Variants in UBE2Q2 observed in about 807,000 individuals in gnomAD.
UBE2Q2 encodes ubiquitin-conjugating enzyme E2 Q2.
A neutral mutation model predicts 59.9 loss-of-function variants in UBE2Q2; 54 were observed. The ratio of observed to expected loss-of-function variants is 0.90; its 90% CI spans 0.72 to 1.13. The LOEUF is 1.13. Ranked by LOEUF, UBE2Q2 falls within the 50% of genes most tolerant of loss-of-function variation. The probability of loss-of-function intolerance (pLI) is 0.00; values close to 1 mark genes in which losing one functional copy is unlikely to be tolerated. For missense variants in UBE2Q2, 433 were observed against 441.9 expected (o/e 0.98, Z 0.18); for synonymous variants, 165 against 155.2 (o/e 1.06, Z -0.47).
chr15:75,875,804 G>A (rs776183889), intron 5 of UBE2Q2, among the ~76,000 whole-genome samples: 13 of 151,980 alleles, frequency 8.6e-5, no homozygotes, highest in Non-Finnish European at 1.5e-4. Flanking sequence ...GCTCATGCCT[G>A]TAATCCCAGC....
chr15:75,879,421 A>G (rs570584552), intron 8 of UBE2Q2, among the ~76,000 whole-genome samples: 2 of 152,342 alleles, frequency 1.3e-5, no homozygotes, highest in East Asian at 3.9e-4. Flanking sequence ...TGTTCATTCC[A>G]ATAAAATGGA....
chr15:75,898,376 AT>A (rs1237149267), intron 12 of UBE2Q2, among the ~76,000 whole-genome samples: 1 of 152,082 alleles, frequency 6.6e-6, no homozygotes, highest in African/African-American at 2.4e-5. Context: ...AAATCTTAAA[AT>A]TTTTTTGTTA....
At chr15:75,847,286 C>T (rs1896402313) in intron 1 of UBE2Q2, among the ~76,000 whole-genome samples, 1 of 152,076 alleles carries the variant, frequency 6.6e-6, no homozygotes, top group Non-Finnish European at 1.5e-5. Context: ...GTCAAAAGTG[C>T]AGAGATAACA....
intron 1 of UBE2Q2, among the ~76,000 whole-genome samples, chr15:75,852,987 A>G (rs993679293): frequency 1.2e-4 from 18 of 152,190 alleles, no homozygotes; most frequent in African/African-American, 4.3e-4. Flanking sequence ...GTTTCCTAAA[A>G]TCGTTTCTGT....
chr15:75,844,936 C>T (rs1896253936), intron 1 of UBE2Q2, among the ~76,000 whole-genome samples: 2 of 151,520 alleles, frequency 1.3e-5, no homozygotes, highest in Non-Finnish European at 2.9e-5. Flanking sequence ...AAATGGTTAC[C>T]AGACTATCTG....
Position 75,895,522 on chromosome 15 carries a change from A to C in UBE2Q2, c.1030-1473A>C, listed in dbSNP as rs945735017. The stretch of plus-strand genomic sequence containing the variant: ...AAAGAGCTCTTAGATGTTGAAAAAG[A>C]CTACCCTGTAGAAAAATAGGAAAAG... On this transcript the variant is annotated intron_variant, in intron 11 of 12. Transcript: ENST00000267938. 2.6e-5 allele frequency among the ~76,000 whole-genome samples: 4 copies of C among 152,118 alleles called. No homozygotes were observed. In the East Asian group the frequency reaches 7.7e-4, roughly 29 times the overall value.
chr15:75,882,487 TG>T (rs1265968591), intron 8 of UBE2Q2, among the ~76,000 whole-genome samples: 1 of 152,222 alleles, frequency 6.6e-6, no homozygotes, highest in Non-Finnish European at 1.5e-5. Flanking sequence ...GAAGAGGTTT[TG>T]TAGTCACTCA....
At chr15:75,860,056 T>TGA in intron 3 of UBE2Q2, 74 bp downstream of exon 3, 1 of 1,068,204 alleles carries the variant, frequency 9.4e-7, no homozygotes, top group Admixed American at 2.6e-5. Flanking sequence ...GGATGATTTT[T>TGA]CTTTTTATTG....
intron 3 of UBE2Q2, among the ~76,000 whole-genome samples, chr15:75,864,361 A>G (rs1343035882): frequency 3.3e-5 from 5 of 151,932 alleles, no homozygotes; most frequent in Admixed American, 6.6e-5. Context: ...GGTTTTCACA[A>G]CTGGTCATGG....
chr15:75,848,558 T>C (rs1377649100), intron 1 of UBE2Q2, among the ~76,000 whole-genome samples: 1 of 152,252 alleles, frequency 6.6e-6, no homozygotes, highest in Non-Finnish European at 1.5e-5. Context: ...TGGTTATTTA[T>C]GCTCCCTCAT....
At chr15:75,850,037 A>G (rs1037343168) in intron 1 of UBE2Q2, among the ~76,000 whole-genome samples, 145 of 152,352 alleles carry the variant, frequency 9.5e-4, no homozygotes, top group African/African-American at 3.3e-3. Context: ...TGAAAATATT[A>G]ATACATAGGT....
chr15:75,896,347 A>G (rs1010105046), intron 11 of UBE2Q2, among the ~76,000 whole-genome samples: 2 of 152,220 alleles, frequency 1.3e-5, no homozygotes, highest in Admixed American at 1.3e-4. Flanking sequence ...TTTCTGCCAC[A>G]TAATATAGTG....
intron 3 of UBE2Q2, among the ~76,000 whole-genome samples, chr15:75,866,944 C>T (rs915001769): frequency 6.6e-6 from 1 of 152,194 alleles, no homozygotes; most frequent in African/African-American, 2.4e-5. Flanking sequence ...TGACTTGGCA[C>T]TTTCAGATTG....
intron 3 of UBE2Q2, among the ~76,000 whole-genome samples, chr15:75,863,901 G>A (rs1353517585): frequency 7.9e-5 from 12 of 151,944 alleles, no homozygotes; most frequent in Non-Finnish European, 1.5e-4. Flanking sequence ...CGGCCTCCCA[G>A]AGTGCTGGGA....
intron 2 of UBE2Q2, among the ~76,000 whole-genome samples, chr15:75,857,939 A>G (rs1417784438): frequency 3.3e-5 from 5 of 152,184 alleles, no homozygotes; most frequent in African/African-American, 7.2e-5. Context: ...GAAACTGTCA[A>G]TAGTAGAACA....
intron 4 of UBE2Q2, among the ~76,000 whole-genome samples, chr15:75,871,355 A>G (rs1280651981): frequency 1.3e-5 from 2 of 152,180 alleles, no homozygotes; most frequent in East Asian, 3.9e-4. Context: ...CTCAACTGCA[A>G]GAGGCATGCC....
In UBE2Q2 at chr15:75,858,761, A is replaced by C. The variant is rs374534171; in HGVS notation, c.283-1117A>C. ...GTCCGGATTGCTCTGCCTCATCTTC[A>C]TTATGCACTTAGCACGCAATAGAGT... On this transcript the variant is annotated intron_variant, in intron 2 of 12. Coordinates refer to ENST00000267938, the MANE Select transcript of UBE2Q2 (RefSeq NM_173469.4). 3.3e-5 allele frequency among the ~76,000 whole-genome samples: 5 copies of C among 152,284 alleles called. No homozygotes were observed. The East Asian group carries it at 7.7e-4, about 24-fold the overall frequency.
At chr15:75,896,967 T>C (rs768503573) in intron 11 of UBE2Q2, 28 bp from the exon 12 acceptor site, 28 of 1,428,530 alleles carry the variant, frequency 2.0e-5, no homozygotes, top group Non-Finnish European at 2.6e-5. Context: ...ATTACACTTT[T>C]GATTTAAAAT....
Position 75,879,148 on chromosome 15 carries a change from A to G in UBE2Q2, c.785A>G (p.Lys262Arg). 6.2e-7 allele frequency: 1 copy of G among 1,603,266 alleles called. No individual in the cohort carries two copies. The highest frequency in any genetic ancestry group is 8.5e-7 in the Non-Finnish European group (1 of 1,175,218). Residue 262 changes from lysine to arginine, a missense_variant, in exon 8 of 13, where the codon AAA becomes AGA. Physicochemically the swap from Lys to Arg is conservative, Grantham distance 26 (BLOSUM62 2). Transcript: ENST00000267938. ...LHSDLQILKE[K>R]EGIEYILLNF... ...AGTGATCTTCAGATCTTAAAAGAAA[A>G]AGAAGGCATAGAATATATTTTGCTT...
Sources: allele counts gnomAD v4.1 joint callset (sites outside exome capture counted in the v4.1 genomes callset), GRCh38; gene constraint gnomAD v4.1.1; transcripts MANE v1.5; gene names NCBI Gene and HGNC (gene_info 2026-07-23, HGNC 2026-07-21).